The following HAGH variants were observed in gnomAD, a reference collection of about 807,000 sequenced individuals.
HAGH encodes hydroxyacylglutathione hydrolase, mitochondrial.
A neutral mutation model predicts 35.1 loss-of-function variants in HAGH; 29 were observed. That is an observed-to-expected ratio of 0.83 (90% CI 0.62 to 1.13). The LOEUF (loss-of-function observed/expected upper bound fraction) is 1.13, where lower values mean the gene tolerates loss of function less well. Among genes scored for constraint, HAGH ranks in the 50% most tolerant of loss-of-function variants. The pLI, the probability that HAGH is intolerant of heterozygous loss-of-function variation, is 0.00. For synonymous variants in HAGH, 225 were observed against 176.1 expected (o/e 1.28, Z -2.20); for missense variants, 478 against 419.6 (o/e 1.14, Z -1.22).
At chr16:1,822,806 G>C in intron 2 of HAGH, 59 bp downstream of exon 2, 1 of 1,441,798 alleles carries the variant, frequency 6.9e-7, no homozygotes, top group Non-Finnish European at 9.7e-7. Flanking sequence ...AACCCATCGG[G>C]GGTGAGGACT....
rs896777525 is a variant in HAGH, at chr16:1,808,280, T to C, written c.*1003A>G. Reference sequence around the variant, plus strand: ...ACACCACCCTGCCCAGGTAACTTTTTAAAAAGATTATTATTAAATTTCATA... The same window carrying C: ...ACACCACCCTGCCCAGGTAACTTTTCAAAAAGATTATTATTAAATTTCATA... On this transcript the variant is annotated 3_prime_UTR_variant, in exon 9 of 9. Coordinates refer to ENST00000397356, the MANE Select transcript of HAGH (RefSeq NM_005326.6). 1 of 151,906 alleles carries C rather than the reference T, an allele frequency of 6.6e-6. No homozygotes were observed. Among genetic ancestry groups the C allele is most frequent in the African/African-American group, 2.4e-5 (1 of 41,330 alleles). The allele number at this position is 151,906 out of a possible 1,614,324, so 9.4% of individuals were successfully genotyped here.
chr16:1,812,504 CAAAAA>C (rs749369966), intron 7 of HAGH: 7 of 26,868 alleles, frequency 2.6e-4, no homozygotes, highest in African/African-American at 9.1e-4. Context: ...AACGCTGTCT[CAAAAA>C]AAAAAAAAAA....
intron 6 of HAGH, 24 bp downstream of exon 6, chr16:1,817,144 G>A (rs373212637): frequency 3.1e-5 from 47 of 1,522,286 alleles, no homozygotes; most frequent in African/African-American, 2.6e-4. Context: ...CCCACACCCC[G>A]GCCCGCAGGG....
chr16:1,810,898 G>C (rs1281971457), intron 7 of HAGH: 1 of 152,224 alleles, frequency 6.6e-6, no homozygotes, highest in African/African-American at 2.4e-5. Flanking sequence ...CTGGCGAAAA[G>C]AATCTGAGAA....
At chr16:1,816,848 T>G (rs1237609223) in intron 7 of HAGH, 45 bp downstream of exon 7, 1 of 1,239,408 alleles carries the variant, frequency 8.1e-7, no homozygotes, top group South Asian at 1.2e-5. Context: ...ACAGCGGCCC[T>G]GAGCAGCCCA....
intron 6 of HAGH, 63 bp from the exon 7 acceptor site, chr16:1,817,057 C>T (rs374280332): frequency 5.8e-6 from 8 of 1,380,834 alleles, no homozygotes; most frequent in South Asian, 2.3e-5. Flanking sequence ...TCCTCAGGGA[C>T]GGGACCTGGA....
chr16:1,810,145 G>A, intron 7 of HAGH: 1 of 278,546 alleles, frequency 3.6e-6, no homozygotes, highest in East Asian at 7.2e-5. Flanking sequence ...CTGGGTGACA[G>A]CGACATCACG....
chr16:1,826,446 GGC>G, intron 1 of HAGH: 1 of 570,832 alleles, frequency 1.8e-6, no homozygotes, highest in Non-Finnish European at 2.2e-6. Context: ...AGGCGTCAGG[GGC>G]GCGGCCGGCC....
At chr16:1,810,096 A>G in intron 7 of HAGH, 1 of 482,366 alleles carries the variant, frequency 2.1e-6, no homozygotes, top group East Asian at 3.9e-5. Context: ...GCACAGGTCG[A>G]GGCTACAGTG....
rs1464309070 is a variant in HAGH at position 1,822,025 on chromosome 16, C to T, written c.314+275G>A. 7.4e-6 allele frequency: 3 copies of T among 403,866 alleles called. No homozygotes were observed. In the Admixed American group the frequency reaches 1.1e-4, roughly 15 times the overall value. 25.0% of individuals were successfully genotyped at this position (403,866 alleles called of 1,614,324 possible). ...CAACATTGAGGCCAACGTGCCAGGG[C>T]ACAAACCCGCATGGCCCAGGAGAGA... On this transcript the variant is annotated intron_variant, in intron 3 of 8. Transcript: ENST00000397356.
At chr16:1,816,067 A>G (rs1291895002) in intron 7 of HAGH, among the ~76,000 whole-genome samples, 1 of 144,262 alleles carries the variant, frequency 6.9e-6, no homozygotes, top group African/African-American at 2.6e-5. Flanking sequence ...CAGCCTCCTG[A>G]GTAGTTGGGA....
At chr16:1,826,227 C>T (rs1444676661) in intron 1 of HAGH, among the ~76,000 whole-genome samples, 1 of 151,744 alleles carries the variant, frequency 6.6e-6, no homozygotes, top group Non-Finnish European at 1.5e-5. Flanking sequence ...GCGACCACCT[C>T]GGGCGAATGA....
chr16:1,826,850 G>A, upstream of HAGH: 1 of 1,058,268 alleles, frequency 9.4e-7, no homozygotes, highest in Non-Finnish European at 1.2e-6. Context: ...TCGGCGCGTC[G>A]CAGCCAATCA....
intron 1 of HAGH, among the ~76,000 whole-genome samples, chr16:1,825,173 C>T (rs1159475425): frequency 3.3e-5 from 5 of 152,238 alleles, no homozygotes; most frequent in Admixed American, 1.3e-4. Context: ...CAAAAATTAG[C>T]TGGGCGTGGT....
intron 6 of HAGH, 22 bp downstream of exon 6, chr16:1,817,146 C>T (rs1436385942): frequency 1.3e-6 from 2 of 1,528,898 alleles, no homozygotes; most frequent in Admixed American, 1.7e-5. Context: ...CACACCCCGG[C>T]CCGCAGGGAG....
At chr16:1,816,837 C>T (rs1897912838) in intron 7 of HAGH, 56 bp downstream of exon 7, 15 of 1,106,702 alleles carry the variant, frequency 1.4e-5, no homozygotes, top group Middle Eastern at 2.0e-4. Context: ...CCCCGCTGTG[C>T]ACAGCGGCCC....
chr16:1,809,382 C>G lies in HAGH; in HGVS notation c.828G>C (p.Arg276Ser), dbSNP rs771848383. 1 of 1,608,222 alleles carries G rather than the reference C, an allele frequency of 6.2e-7. No homozygotes were observed. The highest frequency in any genetic ancestry group is 8.5e-7 in the Non-Finnish European group (1 of 1,178,960). The change falls in exon 9 of 9, where the codon AGG (arginine) becomes AGC (serine). Residue 276 changes from arginine (R) to serine (S), a missense_variant and splice_region_variant. Arg to Ser is a moderately radical substitution (Grantham distance 110, BLOSUM62 -1). Transcript: ENST00000397356. ...CTGCGTGCTGCTGCACCGTCTTCTC[C>G]CTGCGGAGGCCAGCACCGGGCTGCA... is the stretch of plus-strand genomic sequence containing the variant. ...EFTYNPFMRV[R>S]EKTVQQHAGE...
At chr16:1,815,456 T>C (rs1243359559) in intron 7 of HAGH, among the ~76,000 whole-genome samples, 1 of 152,124 alleles carries the variant, frequency 6.6e-6, no homozygotes, top group African/African-American at 2.4e-5. Context: ...TTCCACACAA[T>C]GGGCTACTCA....
intron 7 of HAGH, among the ~76,000 whole-genome samples, chr16:1,814,859 C>A (rs1447009346): frequency 1.3e-5 from 2 of 152,008 alleles, no homozygotes; most frequent in Non-Finnish European, 2.9e-5. Flanking sequence ...GATCACACCA[C>A]TGCACTCCAG....
Sources: allele counts gnomAD v4.1 joint callset (sites outside exome capture counted in the v4.1 genomes callset), GRCh38; gene constraint gnomAD v4.1.1; transcripts MANE v1.5; gene names NCBI Gene and HGNC (gene_info 2026-07-23, HGNC 2026-07-21).